LRP1: variants seen among roughly 807,000 people sequenced by gnomAD.
The protein encoded by LRP1 is LDL receptor related protein 1, also known as prolow-density lipoprotein receptor-related protein 1.
LRP1 carries 51 observed loss-of-function variants against 541.5 expected under a neutral mutation model. That is an observed-to-expected ratio of 0.09 (90% CI 0.08 to 0.12). The LOEUF (loss-of-function observed/expected upper bound fraction) is 0.12. Among genes scored for constraint, LRP1 ranks in the 10% least tolerant of loss-of-function variants. The pLI is 1.00. For missense variants in LRP1, 3,878 were observed against 6,376.2 expected, an observed-to-expected ratio of 0.61 and a Z score of 13.34; for synonymous variants, 2,219 against 2,470.8, an observed-to-expected ratio of 0.90 and a Z score of 3.02.
chr12:57,177,624 G>T lies in LRP1; in HGVS notation c.4361+33G>T, dbSNP rs747147590. 6.2e-7 allele frequency: 1 copy of T among 1,611,198 alleles called. No homozygotes were observed. Among genetic ancestry groups the T allele is most frequent in the Non-Finnish European group, 8.5e-7 (1 of 1,178,726 alleles). On this transcript the variant is annotated intron_variant, in intron 26 of 88. Coordinates refer to ENST00000243077, the MANE Select transcript of LRP1 (RefSeq NM_002332.3). This position sits in a 1 kb window ranked among gnomAD's most constrained non-coding sequence, Gnocchi z 6.8. ...CCCTCTGTGCCCTGAGAAGGCCCAA[G>T]TCTGTGGCACCAGGACGGGGTGGGG...
Position 57,183,759 on chromosome 12 carries a change from C to T in LRP1, c.5795-16C>T. On this transcript the variant is annotated splice_polypyrimidine_tract_variant and intron_variant, in intron 35 of 88. Coordinates refer to ENST00000243077, the MANE Select transcript of LRP1 (RefSeq NM_002332.3). This position sits in a 1 kb window ranked among gnomAD's most constrained non-coding sequence, Gnocchi z 6.1. ...TGCCTTATTGGGCATCCCCATGTCA[C>T]CTCCTCCACCTCCAGAAAATGACAC... 3 of 1,613,562 alleles carry T rather than the reference C, an allele frequency of 1.9e-6. No homozygotes were observed. The highest frequency in any genetic ancestry group is 2.5e-6 in the Non-Finnish European group (3 of 1,180,012).
Position 57,179,390 on chromosome 12 carries a change from T to C in LRP1, c.4800T>C (p.Ala1600=). 6.2e-7 allele frequency: 1 copy of C among 1,614,192 alleles called. No homozygotes were observed. Among genetic ancestry groups the C allele is most frequent in the East Asian group, 2.2e-5 (1 of 44,886 alleles). The change falls in exon 29 of 89, where the codon GCT becomes GCC. Residue 1600 remains alanine (A), a synonymous_variant. Transcript: ENST00000243077. This position sits in a 1 kb window ranked among gnomAD's most constrained non-coding sequence, Gnocchi z 6.8. ...AGATCCGAGGTGTGGACCTGGATGC[T>C]CCCTACTACAACTACATCATCTCCT... ...QMEIRGVDLD[A]PYYNYIISFT...
intron 33 of LRP1, 76 bp from the exon 34 acceptor site, chr12:57,181,081 G>A (rs913876533): frequency 5.9e-6 from 9 of 1,534,816 alleles, no homozygotes; most frequent in East Asian, 2.3e-5. Flanking sequence ...TCCTGTTTCT[G>A]AGCAGCCCAA....
rs1218266811 is a variant in LRP1, at chr12:57,183,325, C to T, written c.5663-54C>T. On this transcript the variant is annotated intron_variant, in intron 34 of 88. Coordinates refer to ENST00000243077, the MANE Select transcript of LRP1 (RefSeq NM_002332.3). The surrounding 1 kb of genome is among the most constrained non-coding windows in gnomAD (Gnocchi z 6.1). ...AGAACAGTTGGAGGGTGACAGGAAC[C>T]AAGTTTAAGGGAGTGTTGGCGATAC... 8.3e-6 allele frequency: 13 copies of T among 1,564,414 alleles called. No individual in the cohort carries two copies. The South Asian group carries it at 1.4e-4, about 17-fold the overall frequency.
chr12:57,204,920 C>G lies in LRP1; in HGVS notation c.11194+171C>G. 7.5e-7 allele frequency: 1 copy of G among 1,340,172 alleles called. No individual in the cohort carries two copies. Among genetic ancestry groups the G allele is most frequent in the Non-Finnish European group, 1.0e-6 (1 of 989,626 alleles). The allele number at this position is 1,340,172 out of a possible 1,614,324, so 83.0% of individuals were successfully genotyped here. On this transcript the variant is annotated intron_variant, in intron 72 of 88. Coordinates refer to ENST00000243077, the MANE Select transcript of LRP1 (RefSeq NM_002332.3). The surrounding 1 kb of genome is among the most constrained non-coding windows in gnomAD (Gnocchi z 5.3). ...GCTTTTCGTTAGGAAAGAGAAGCCCCTGGGGAAGGCTCTGGGGGCTGCCTG... is the reference window on the plus strand; with the variant it reads ...GCTTTTCGTTAGGAAAGAGAAGCCCGTGGGGAAGGCTCTGGGGGCTGCCTG...
rs116017156 is a variant in LRP1, at chr12:57,204,856, C to T, written c.11194+107C>T. On this transcript the variant is annotated intron_variant, in intron 72 of 88. Coordinates refer to ENST00000243077, the MANE Select transcript of LRP1 (RefSeq NM_002332.3). The surrounding 1 kb of genome is among the most constrained non-coding windows in gnomAD (Gnocchi z 5.3). ...GGGGTTAGGGTTAACCAGGAGGACT[C>T]GCCCAGGAAGGGGAGGATCCATTGC... The T allele has an allele frequency of 5.9e-6, 9 of 1,519,472 alleles. No individual in the cohort carries two copies. The highest frequency in any genetic ancestry group is 4.9e-5 in the South Asian group (4 of 81,794). The allele number at this position is 1,519,472 out of a possible 1,614,324, so 94.1% of individuals were successfully genotyped here. A position where few individuals can be genotyped will look rare whatever the true frequency, so the allele number is the denominator to read the frequency against.
rs1592653550 is a variant in LRP1, at chr12:57,197,260, G to T, written c.9077-39G>T. 3.1e-6 allele frequency: 5 copies of T among 1,613,410 alleles called. No individual in the cohort carries two copies. The highest frequency in any genetic ancestry group is 2.2e-5 in the East Asian group (1 of 44,880). On this transcript the variant is annotated intron_variant, in intron 56 of 88. Transcript: ENST00000243077. This position sits in a 1 kb window ranked among gnomAD's most constrained non-coding sequence, Gnocchi z 4.5. ...GACAGGCAGGAGACCAGGGCCGCTA[G>T]AATGTGCCAGGAGCTGAGGCAAGAT...
chr12:57,141,547 A>G (rs374888800), intron 3 of LRP1, 36 bp downstream of exon 3: 28 of 1,613,344 alleles, frequency 1.7e-5, no homozygotes, highest in Admixed American at 3.3e-5. Context: ...TCCCGTCTGG[A>G]TGCAGCATAT....
chr12:57,149,795 G>A, intron 6 of LRP1: 2 of 704,090 alleles, frequency 2.8e-6, no homozygotes, highest in South Asian at 1.5e-5. Flanking sequence ...GGAGCATGAG[G>A]CCACATCGTT....
In LRP1 at chr12:57,201,896, G is replaced by C. The variant is rs1555187719; in HGVS notation, c.10585G>C (p.Glu3529Gln). The C allele has an allele frequency of 1.2e-6, 2 of 1,613,992 alleles. No individual in the cohort carries two copies. The highest frequency in any genetic ancestry group is 1.7e-6 in the Non-Finnish European group (2 of 1,179,998). Residue 3529 changes from glutamate (E) to glutamine (Q), a missense_variant, in exon 67 of 89, where the codon GAA becomes CAA. Transcript: ENST00000243077. This position sits in a 1 kb window ranked among gnomAD's most constrained non-coding sequence, Gnocchi z 6.4. ...DCGDGSDEPK[E>Q]ECDERTCEPY... is the part of the protein sequence containing the mutation. ...TGGGGATGGCTCGGATGAGCCCAAGGAAGAGTGTGGTGAGCCGAGACCCCA... is the reference window on the plus strand; with the variant it reads ...TGGGGATGGCTCGGATGAGCCCAAGCAAGAGTGTGGTGAGCCGAGACCCCA...
chr12:57,193,032 A>G, intron 45 of LRP1, 62 bp downstream of exon 45: 1 of 1,594,278 alleles, frequency 6.3e-7, no homozygotes, highest in Non-Finnish European at 8.6e-7. Flanking sequence ...GATGGTGACC[A>G]TCTCCCCTAC....
intron 22 of LRP1, 79 bp from the exon 23 acceptor site, chr12:57,175,381 T>C: frequency 6.4e-7 from 1 of 1,571,770 alleles, no homozygotes. Flanking sequence ...TGCCCAGGAC[T>C]TGGGGCCCAG....
chr12:57,202,272 T>TCTCAAAAC (rs1383377865), intron 67 of LRP1, 149 bp from the exon 68 acceptor site: 22 of 715,926 alleles, frequency 3.1e-5, no homozygotes, highest in Non-Finnish European at 5.3e-5. Flanking sequence ...AGACCCCACG[T>TCTCAAAAC]CTCAAAACAC....
intron 1 of LRP1, among the ~76,000 whole-genome samples, chr12:57,131,064 C>T (rs2035028335): frequency 6.6e-6 from 1 of 152,186 alleles, no homozygotes; most frequent in Admixed American, 6.5e-5. Flanking sequence ...TCCCTTATCC[C>T]TAACCCCTGC....
rs1235420327 is a variant in LRP1, at chr12:57,179,003, G to A, written c.4720G>A (p.Asp1574Asn). The A allele has an allele frequency of 6.2e-7, 1 of 1,614,026 alleles. No individual in the cohort carries two copies. The highest frequency in any genetic ancestry group is 8.5e-7 in the Non-Finnish European group (1 of 1,179,996). Reference sequence around the variant, plus strand: ...CCCCCACCTCATGAAGCTCCACAAGGACAACACCACCTGCTATGGTAGGAG... The same window carrying A: ...CCCCCACCTCATGAAGCTCCACAAGAACAACACCACCTGCTATGGTAGGAG... ...ACPHLMKLHK[D>N]NTTCYEFKKF... Residue 1574 changes from aspartate to asparagine, a missense_variant, in exon 28 of 89, where the codon GAC becomes AAC. This residue lies in a region of LRP1 where 394 missense variants were observed against 635.9 expected (regional missense o/e 0.62). Transcript: ENST00000243077. This position sits in a 1 kb window ranked among gnomAD's most constrained non-coding sequence, Gnocchi z 6.8.
intron 42 of LRP1, among the ~76,000 whole-genome samples, chr12:57,188,366 A>G (rs1293948642): frequency 6.6e-6 from 1 of 152,148 alleles, no homozygotes; most frequent in Non-Finnish European, 1.5e-5. Context: ...AGTAAACACA[A>G]CCCAAAGCAG....
At chr12:57,193,533 T>TC in intron 46 of LRP1, 33 bp from the exon 47 acceptor site, 1 of 1,607,298 alleles carries the variant, frequency 6.2e-7, no homozygotes, top group East Asian at 2.2e-5. Context: ...CCTGTGCCTG[T>TC]GGCTGACACG....
rs1206550752 is a variant in LRP1 at position 57,187,264 on chromosome 12, C to T, written c.6842-3C>T. 1.2e-6 allele frequency: 2 copies of T among 1,610,248 alleles called. No individual in the cohort carries two copies. Among genetic ancestry groups the T allele is most frequent in the South Asian group, 2.2e-5 (2 of 90,458 alleles). On this transcript the variant is annotated splice_region_variant and splice_polypyrimidine_tract_variant and intron_variant, in intron 41 of 88. Coordinates refer to ENST00000243077, the MANE Select transcript of LRP1 (RefSeq NM_002332.3). The stretch of plus-strand genomic sequence containing the variant: ...ACAAATCGCTGCTCCTGTCTCTTCA[C>T]AGACGTGGGCTCCGTGGAAGGCCTG...
chr12:57,167,344 A>G, intron 18 of LRP1, 100 bp from the exon 19 acceptor site: 3 of 890,386 alleles, frequency 3.4e-6, no homozygotes, highest in Non-Finnish European at 5.7e-6. Flanking sequence ...GACTGGGCTA[A>G]GGGCTGCTGG....
Sources: gnomAD v4.1 joint callset for allele counts (sites outside exome capture counted in the v4.1 genomes callset) on GRCh38, gnomAD v4.1.1 for gene constraint, gnomAD v4.1.1 regional missense constraint, Gnocchi (gnomAD v3.1) non-coding constraint, MANE v1.5 for transcripts, NCBI Gene and HGNC (gene_info 2026-07-23, HGNC 2026-07-21) for gene names.